Variants in PERM1 observed in about 807,000 individuals in gnomAD.
The protein encoded by PERM1 is PGC-1 and ERR-induced regulator in muscle protein 1.
In PERM1, 45 loss-of-function variants were observed where a neutral mutation model predicts 44.1. That is an observed-to-expected ratio of 1.02 (90% confidence interval 0.80 to 1.31). The LOEUF is 1.31. Among genes scored for constraint, PERM1 ranks in the 50% most tolerant of loss-of-function variants. The probability of loss-of-function intolerance (pLI) is 0.00; values close to 1 mark genes in which losing one functional copy is unlikely to be tolerated. For synonymous variants in PERM1, 565 were observed against 477.1 expected, an observed-to-expected ratio of 1.18 and a Z score of -2.40; for missense variants, 1,189 against 1,106.9, an observed-to-expected ratio of 1.07 and a Z score of -1.05.
Position 980,002 on chromosome 1 carries a change from AT to A in PERM1, c.1027del (p.Met343TrpfsTer81). On this transcript the variant is annotated frameshift_variant, in exon 1 of 3. Coordinates refer to ENST00000433179, the Ensembl canonical transcript of PERM1. LOFTEE classifies it high-confidence loss of function. ...CTCAGAGGCAGGTGTAGACACAGCCATGTCCGTGTCAGGTTGCGGCTCAGAG... is the reference window on the plus strand; with the variant it reads ...CTCAGAGGCAGGTGTAGACACAGCCAGTCCGTGTCAGGTTGCGGCTCAGAG... 1.3e-6 allele frequency: 2 copies of A among 1,549,082 alleles called. No homozygotes were observed. Among genetic ancestry groups the A allele is most frequent in the East Asian group, 4.9e-5 (2 of 40,528 alleles).
At chr1:978,803 C>T (rs1461591120) in intron 1 of PERM1, 78 bp downstream of exon 2, 123 of 1,324,942 alleles carry the variant, frequency 9.3e-5, no homozygotes, top group Middle Eastern at 2.7e-4. Context: ...CCGGCCCCTG[C>T]GGCCCCCTGC....
At chr1:978,380 G>A (rs1383196433) in intron 1 of PERM1, among the ~76,000 whole-genome samples, 3 of 151,478 alleles carry the variant, frequency 2.0e-5, no homozygotes, top group Non-Finnish European at 2.9e-5. Flanking sequence ...CCCGGGAACC[G>A]CCTGCCCCGG....
At chr1:975,872 G>C in exon 3 of PERM1, 1 of 396,226 alleles carries the variant, frequency 2.5e-6, no homozygotes, top group Non-Finnish European at 4.5e-6. Flanking sequence ...ACTATTGCCT[G>C]TCTGAAATTA....
At chr1:982,010 G>A (rs746183744), upstream of PERM1, 16 of 1,268,340 alleles carry the variant, frequency 1.3e-5, no homozygotes, top group Admixed American at 2.3e-5. Flanking sequence ...CCTCTGTGGG[G>A]GTTGTTACCA....
chr1:976,150 C>G (rs891363761), exon 3 of PERM1: 2 of 1,544,818 alleles, frequency 1.3e-6, no homozygotes, highest in South Asian at 1.2e-5. Context: ...CATCCTGCAT[C>G]TCCCTGGCCC....
chr1:980,635 G>C, exon 1 of PERM1: 2 of 1,442,762 alleles, frequency 1.4e-6, no homozygotes, highest in Non-Finnish European at 1.8e-6. Context: ...TCCAGAAGAC[G>C]CCGGACCAGG....
chr1:976,541 C>T (rs564074169), exon 2 of PERM1: 9 of 1,549,586 alleles, frequency 5.8e-6, no homozygotes, highest in South Asian at 2.4e-5. Context: ...GACGTCCTCA[C>T]AGCCCAGGTG....
rs1407656181 is a variant in PERM1, at chr1:976,461, T to C, written c.2275+38A>G. On this transcript the variant is annotated intron_variant, in intron 2 of 2. Transcript: ENST00000433179. ...TCCTGCCAGCGCCCCTCGGTCTGGC[T>C]TCTAGGCGCAGCTCCCTCTGCCCCC... The C allele has an allele frequency of 2.6e-6, 4 of 1,549,240 alleles. No individual in the cohort carries two copies. The South Asian group carries it at 3.6e-5, about 14-fold the overall frequency.
At chr1:978,889 C>G in exon 1 of PERM1, 2 of 1,490,902 alleles carry the variant, frequency 1.3e-6, no homozygotes, top group Non-Finnish European at 1.8e-6. Flanking sequence ...ACCTGCCCGT[C>G]TAAGAGCCAG....
At chr1:978,679 C>A (rs1349801834) in intron 1 of PERM1, among the ~76,000 whole-genome samples, 2 of 152,234 alleles carry the variant, frequency 1.3e-5, no homozygotes, top group African/African-American at 4.8e-5. Flanking sequence ...CAGAGCCAAC[C>A]CCCTGAACAA....
At chr1:976,169 C>T (rs1643594142) in exon 3 of PERM1, 2 of 1,546,298 alleles carry the variant, frequency 1.3e-6, no homozygotes, top group East Asian at 2.4e-5. Context: ...CCGGGCCTGG[C>T]TCCTAGGAGC....
exon 3 of PERM1, chr1:975,636 G>C (rs1415287144): frequency 6.5e-6 from 1 of 154,874 alleles, no homozygotes; most frequent in Non-Finnish European, 1.4e-5. Context: ...GCCCTTGCCA[G>C]CCCAGCCCAC....
exon 1 of PERM1, chr1:979,409 A>G (rs1329484147): frequency 1.3e-6 from 2 of 1,518,456 alleles, no homozygotes; most frequent in South Asian, 2.5e-5. Context: ...ACAGCCTCCC[A>G]GGCTCCGGGC....
Position 980,572 on chromosome 1 carries a change from G to T in PERM1, c.458C>A (p.Pro153His), listed in dbSNP as rs140564678. 1.9e-3 allele frequency: 2,826 copies of T among 1,456,642 alleles called. 7 individuals are homozygous for T. The highest frequency in any genetic ancestry group is 2.4e-3 in the Non-Finnish European group (2,625 of 1,104,584). 90.2% of individuals were successfully genotyped at this position (1,456,642 alleles called of 1,614,324 possible). The change falls in exon 1 of 3, where the codon CCC becomes CAC. Residue 153 changes from proline to histidine, a missense_variant. This residue lies in a region of PERM1 where 274 missense variants were observed against 317.9 expected (regional missense o/e 0.86). Transcript: ENST00000433179. The stretch of plus-strand genomic sequence containing the variant: ...GCCAGGGGACTTGGGACTCCCAGGG[G>T]GCTCACCAGGGGGCCGTGGGGCAGG...
In PERM1 at chr1:976,521, ATG is replaced by A. The variant is rs1004571602; in HGVS notation, c.2251_2252del (p.His751TyrfsTer71). ...AACCTGTTTTCCAGGCGTCTGGGGT[ATG>A]CGGATCTGACGTCCTCACAGCCCAG... On this transcript the variant is annotated frameshift_variant, in exon 2 of 3. Transcript: ENST00000433179. LOFTEE classifies it high-confidence loss of function. 6 of 1,549,444 alleles carry A rather than the reference ATG, an allele frequency of 3.9e-6. No homozygotes were observed. In the African/African-American group the frequency reaches 8.2e-5, roughly 21 times the overall value.
chr1:978,715 C>T (rs1471931835), intron 1 of PERM1, among the ~76,000 whole-genome samples, 166 bp downstream of exon 2: 1 of 152,216 alleles, frequency 6.6e-6, no homozygotes, highest in Non-Finnish European at 1.5e-5. Flanking sequence ...TGGGCCGCCC[C>T]ATCTGGACTG....
chr1:978,841 C>T, intron 1 of PERM1, 40 bp downstream of exon 2: 2 of 1,438,354 alleles, frequency 1.4e-6, no homozygotes, highest in Non-Finnish European at 1.8e-6. Flanking sequence ...ACAGTGTGTG[C>T]CTGGGATCTG....
chr1:978,127 CGCCCCGGG>C (rs1643675917), intron 1 of PERM1, among the ~76,000 whole-genome samples: 1 of 108,284 alleles, frequency 9.2e-6, no homozygotes, highest in Non-Finnish European at 1.9e-5. Context: ...CGCACACGGC[CGCCCCGGG>C]AACCGCCTGC....
In PERM1 at chr1:976,242, G is replaced by A. The variant is rs1643599212; in HGVS notation, c.2303C>T (p.Ser768Phe). Residue 768 changes from serine (S) to phenylalanine (F), a missense_variant, in exon 3 of 3, where the codon TCT (serine) becomes TTT (phenylalanine). Around this residue, in one of 3 missense-constraint regions of PERM1, gnomAD observed 900 missense variants for 760.4 expected, o/e 1.18. Transcript: ENST00000433179. ...CTGCCGGCGGAAGTAGCGGATGGCA[G>A]AGATGGTGCCGACGTTGGCCAGCAA... is the stretch of plus-strand genomic sequence containing the variant. The A allele has an allele frequency of 9.1e-6, 14 of 1,534,952 alleles. No individual in the cohort carries two copies. The East Asian group carries it at 3.4e-4, about 38-fold the overall frequency.
Sources: allele counts gnomAD v4.1 joint callset (sites outside exome capture counted in the v4.1 genomes callset), GRCh38; gene constraint gnomAD v4.1.1; regional missense constraint gnomAD v4.1.1; transcripts MANE v1.5; gene names NCBI Gene and HGNC (gene_info 2026-07-23, HGNC 2026-07-21).